MAST4: variants seen among roughly 807,000 people sequenced by gnomAD.
MAST4 encodes microtubule-associated serine/threonine-protein kinase 4.
In MAST4, 89 loss-of-function variants were observed where a neutral mutation model predicts 162.7. The ratio of observed to expected loss-of-function variants is 0.55; its 90% CI spans 0.46 to 0.65. The LOEUF is 0.65. Among genes scored for constraint, MAST4 ranks in the 30% least tolerant of loss-of-function variants. The pLI, the probability that MAST4 is intolerant of heterozygous loss-of-function variation, is 0.00. For synonymous variants in MAST4, 1,479 were observed against 1,361.1 expected, an observed-to-expected ratio of 1.09 and a Z score of -1.91; for missense variants, 3,153 against 3,374.0, an observed-to-expected ratio of 0.93 and a Z score of 1.62.
At chr5:66,911,883 G>GA in intron 4 of MAST4, among the ~76,000 whole-genome samples, 1 of 152,262 alleles carries the variant, frequency 6.6e-6, no homozygotes, top group East Asian at 1.9e-4. Context: ...TTATAGTGCA[G>GA]AAAAAATGAT....
At chr5:67,018,225 T>G (rs1245908605) in intron 4 of MAST4, among the ~76,000 whole-genome samples, 7 of 152,154 alleles carry the variant, frequency 4.6e-5, no homozygotes, top group Non-Finnish European at 7.4e-5. Context: ...AATTGTGTGG[T>G]CTACTGTTAA....
At chr5:67,156,654 T>G (rs1438641042) in intron 26 of MAST4, among the ~76,000 whole-genome samples, 1 of 152,132 alleles carries the variant, frequency 6.6e-6, no homozygotes, top group African/African-American at 2.4e-5. Flanking sequence ...GGACAGGAGA[T>G]CTCAAGGTTT....
At chr5:67,081,709 A>AT (rs1016306365) in intron 5 of MAST4, among the ~76,000 whole-genome samples, 31 of 152,062 alleles carry the variant, frequency 2.0e-4, no homozygotes, top group Non-Finnish European at 4.1e-4. Context: ...TATAAAAATA[A>AT]TTTTTTTCAA....
At chr5:66,618,893 C>G (rs535257802) in intron 1 of MAST4, among the ~76,000 whole-genome samples, 2 of 152,238 alleles carry the variant, frequency 1.3e-5, no homozygotes, top group East Asian at 1.9e-4. Context: ...CTGCCTCTCT[C>G]CCTTTCCAGG....
At chr5:66,619,763 A>G (rs529015622) in intron 1 of MAST4, among the ~76,000 whole-genome samples, 1 of 152,222 alleles carries the variant, frequency 6.6e-6, no homozygotes, top group East Asian at 1.9e-4. Context: ...TTGTTTACTC[A>G]TATATCTGGA....
At chr5:66,828,193 G>A (rs1324936841) in intron 3 of MAST4, among the ~76,000 whole-genome samples, 1 of 152,192 alleles carries the variant, frequency 6.6e-6, no homozygotes, top group Non-Finnish European at 1.5e-5. Flanking sequence ...AGGTATTTAT[G>A]TAAATGAATG....
chr5:66,984,168 T>C (rs1444887173), intron 4 of MAST4, among the ~76,000 whole-genome samples: 1 of 152,176 alleles, frequency 6.6e-6, no homozygotes, highest in Non-Finnish European at 1.5e-5. Flanking sequence ...ACAAGTGAGC[T>C]GCAGAGAAGT....
chr5:66,907,956 C>T (rs1763496817), intron 4 of MAST4, among the ~76,000 whole-genome samples: 1 of 151,922 alleles, frequency 6.6e-6, no homozygotes, highest in African/African-American at 2.4e-5. Context: ...AATATTGAAG[C>T]AAAAATTCAA....
chr5:66,622,757 G>A (rs1264078841), intron 1 of MAST4: 3 of 152,208 alleles, frequency 2.0e-5, no homozygotes, highest in Non-Finnish European at 4.4e-5. Flanking sequence ...TTGGCCAGGT[G>A]AACTCAAAGG....
At position 67,131,839 on chromosome 5, in the gene MAST4, A is replaced by G; in HGVS notation, c.1981A>G (p.Asn661Asp). 1 of 1,613,222 alleles carries G rather than the reference A, an allele frequency of 6.2e-7. No homozygotes were observed. Among genetic ancestry groups the G allele is most frequent in the Non-Finnish European group, 8.5e-7 (1 of 1,179,338 alleles). Residue 661 changes from asparagine to aspartate, a missense_variant, in exon 16 of 29, where the codon AAC (asparagine) becomes GAC (aspartate). By Grantham distance (23) the Asn-to-Asp change is conservative (BLOSUM62 1). This residue lies in a region of MAST4 where 131 missense variants were observed against 253.8 expected (regional missense o/e 0.52). Transcript: ENST00000403625. ...EGGDCATLMKNMGPLPVDMAR... is the reference protein window; with the variant it reads ...EGGDCATLMKDMGPLPVDMAR... ...GGGAGACTGTGCTACTTTAATGAAA[A>G]ACATGGGTCCTCTCCCTGTTGATAT...
chr5:66,985,928 T>G (rs1749432441), intron 4 of MAST4, among the ~76,000 whole-genome samples: 1 of 152,222 alleles, frequency 6.6e-6, no homozygotes, highest in South Asian at 2.1e-4. Flanking sequence ...TCAAGTCATC[T>G]ACATGTAGAC....
At chr5:66,893,084 C>G (rs1337467296) in intron 3 of MAST4, among the ~76,000 whole-genome samples, 1 of 152,132 alleles carries the variant, frequency 6.6e-6, no homozygotes, top group Non-Finnish European at 1.5e-5. Flanking sequence ...TAGCTAATTT[C>G]TTTATTTTTC....
chr5:66,995,888 T>TAC (rs34561453), intron 4 of MAST4, among the ~76,000 whole-genome samples: 34,785 of 147,170 alleles, frequency 0.24, 4,022 homozygotes, highest in Admixed American at 0.27. Flanking sequence ...CACACTCACA[T>TAC]ACACACACAC....
chr5:66,932,224 G>A (rs1328384925), intron 4 of MAST4, among the ~76,000 whole-genome samples: 6 of 152,166 alleles, frequency 3.9e-5, no homozygotes, highest in Non-Finnish European at 8.8e-5. Flanking sequence ...CAGTTTATAT[G>A]AGGTTGGCCT....
chr5:66,916,731 C>T (rs1427937866), intron 4 of MAST4, among the ~76,000 whole-genome samples: 1 of 152,150 alleles, frequency 6.6e-6, no homozygotes, highest in Admixed American at 6.5e-5. Context: ...ATGTTAAGCA[C>T]CCACTCTTTA....
At chr5:67,120,951 A>G (rs1767501307) in intron 13 of MAST4, 66 bp from the exon 14 acceptor site, 7 of 1,135,194 alleles carry the variant, frequency 6.2e-6, no homozygotes, top group African/African-American at 3.1e-5. Context: ...AATATTATCT[A>G]TTTTGCTGAT....
In MAST4 at chr5:67,130,389, A is replaced by G. The variant is rs1581666366; in HGVS notation, c.1925A>G (p.His642Arg). 1 of 1,613,936 alleles carries G rather than the reference A, an allele frequency of 6.2e-7. No homozygotes were observed. The highest frequency in any genetic ancestry group is 1.3e-5 in the African/African-American group (1 of 75,030). The change falls in exon 15 of 29, where the codon CAC becomes CGC. Residue 642 changes from histidine (H) to arginine (R), a missense_variant. Coordinates refer to ENST00000403625, the MANE Select transcript of MAST4 (RefSeq NM_001164664.2). ...SMYCSFETRR[H>R]LCMVMEYVEG... ...TATTGCTCCTTTGAAACAAGGCGCC[A>G]CTTGTGCATGGTCATGGAATATGTG...
rs572384972 is a variant in MAST4, at chr5:66,871,675, C to A, written c.643-28276C>A. On this transcript the variant is annotated intron_variant, in intron 3 of 28. Transcript: ENST00000403625. The stretch of plus-strand genomic sequence containing the variant: ...ACTCAATGAAGTTCCAGCTTTCTGG[C>A]GTTTTTAAGTGCTCCAGTCAAATTT... Among the ~76,000 whole-genome samples, 154 of 152,298 alleles carry A rather than the reference C, an allele frequency of 1.0e-3. 3 individuals are homozygous for A. The South Asian group carries it at 0.028, about 28-fold the overall frequency.
intron 3 of MAST4, among the ~76,000 whole-genome samples, chr5:66,834,139 C>A (rs568307839): frequency 5.7e-4 from 87 of 152,044 alleles, no homozygotes; most frequent in Non-Finnish European, 5.7e-4. Flanking sequence ...GAAAAGATGG[C>A]GTACATGTCT....
Sources: gnomAD v4.1 joint callset for allele counts (sites outside exome capture counted in the v4.1 genomes callset) on GRCh38, gnomAD v4.1.1 for gene constraint, gnomAD v4.1.1 regional missense constraint, MANE v1.5 for transcripts, NCBI Gene and HGNC (gene_info 2026-07-23, HGNC 2026-07-21) for gene names.